Variants in LZTFL1 observed in about 807,000 individuals in gnomAD.
LZTFL1 encodes the protein leucine zipper transcription factor like 1, also known as leucine zipper transcription factor-like protein 1.
A neutral mutation model predicts 45.9 loss-of-function variants in LZTFL1; 25 were observed. The observed-to-expected ratio is 0.54, with a 90% CI of 0.40 to 0.76. The LOEUF (loss-of-function observed/expected upper bound fraction) is 0.76, where lower values mean the gene tolerates loss of function less well. Among genes scored for constraint, LZTFL1 ranks in the 30% least tolerant of loss-of-function variants. The pLI, the probability that LZTFL1 is intolerant of heterozygous loss-of-function variation, is 0.00. For synonymous variants in LZTFL1, 93 were observed against 117.4 expected, an observed-to-expected ratio of 0.79 and a Z score of 1.35; for missense variants, 277 against 331.1, an observed-to-expected ratio of 0.84 and a Z score of 1.27.
intron 1 of LZTFL1, 161 bp downstream of exon 1, chr3:45,841,828 G>A (rs1470123801): frequency 9.6e-6 from 9 of 936,966 alleles, no homozygotes; most frequent in Admixed American, 2.3e-5. Context: ...GCGGTTAACC[G>A]AATCTCTCGC....
upstream of LZTFL1, among the ~76,000 whole-genome samples, chr3:45,844,488 A>C (rs1701188059): frequency 6.6e-6 from 1 of 152,226 alleles, no homozygotes; most frequent in Admixed American, 6.5e-5. Flanking sequence ...AAAATGTAAA[A>C]ATCTGAAAGG....
intron 3 of LZTFL1, among the ~76,000 whole-genome samples, chr3:45,856,816 A>G (rs1701401071): frequency 6.6e-6 from 1 of 152,204 alleles, no homozygotes; most frequent in South Asian, 2.1e-4. Flanking sequence ...CAAAACCACA[A>G]TGAGATACCA....
chr3:45,890,244 C>A (rs1375718146), intron 2 of LZTFL1, among the ~76,000 whole-genome samples: 1 of 18,136 alleles, frequency 5.5e-5, no homozygotes, highest in African/African-American at 1.1e-4. Context: ...GTGACATAAG[C>A]CCTGGGTATT....
At chr3:45,858,600 A>G (rs561037001) in intron 3 of LZTFL1, among the ~76,000 whole-genome samples, 2 of 152,358 alleles carry the variant, frequency 1.3e-5, no homozygotes, top group Non-Finnish European at 2.9e-5. Context: ...AGAATGAAAA[A>G]TGAGCAACCT....
At position 45,856,927 on chromosome 3, in the gene LZTFL1, G is replaced by A. The variant is rs913234637; in HGVS notation, c.-137-1853C>T. ...AACACTTTTACACTTTGGTTGGAGT[G>A]GAAATTAGTTCAATCATTGTGGAAG... is the stretch of plus-strand genomic sequence containing the variant. On this transcript the variant is annotated intron_variant, in intron 3 of 4. Transcript: ENST00000472635. Among the ~76,000 whole-genome samples the A allele has an allele frequency of 1.2e-4, 19 of 152,166 alleles. 1 individual carries two copies. Among genetic ancestry groups the A allele is most frequent in the Non-Finnish European group, 2.9e-5 (2 of 68,036 alleles).
Position 45,866,229 on chromosome 3 carries a change from G to A in LZTFL1, c.-214-7213C>T, listed in dbSNP as rs139435020. On this transcript the variant is annotated intron_variant, in intron 2 of 4. Transcript: ENST00000472635. ...CCTTCATTGTGCTAATGATTGATCC[G>A]GTGTGTACTACAGCAAGATTTATCC... Among the ~76,000 whole-genome samples, 21 of 152,208 alleles carry A rather than the reference G, an allele frequency of 1.4e-4. No homozygotes were observed. In the East Asian group the frequency reaches 3.3e-3, roughly 24 times the overall value.
chr3:45,907,317 G>T (rs1434123517), intron 2 of LZTFL1, among the ~76,000 whole-genome samples: 1 of 152,190 alleles, frequency 6.6e-6, no homozygotes, highest in Non-Finnish European at 1.5e-5. Context: ...GCTGCTGCCT[G>T]GATTCCCTGG....
rs948111925 is a variant in LZTFL1 at position 45,825,093 on chromosome 3, A to G, written c.*1221T>C. 2.8e-5 allele frequency: 11 copies of G among 389,896 alleles called. No homozygotes were observed. The highest frequency in any genetic ancestry group is 4.5e-5 in the Non-Finnish European group (10 of 220,900). 24.2% of individuals were successfully genotyped at this position (389,896 alleles called of 1,614,324 possible). A position where few individuals can be genotyped will look rare whatever the true frequency, so the allele number is the denominator to read the frequency against. ...GCTATTACTAAAAGCTTGAATAAAAATAACAACAAGCCCTATGCTCCAATC... is the reference window on the plus strand; with the variant it reads ...GCTATTACTAAAAGCTTGAATAAAAGTAACAACAAGCCCTATGCTCCAATC... On this transcript the variant is annotated 3_prime_UTR_variant, in exon 10 of 10. Coordinates refer to ENST00000296135, the MANE Select transcript of LZTFL1 (RefSeq NM_020347.4).
chr3:45,835,119 A>C (rs1457816500), intron 3 of LZTFL1: 1 of 152,492 alleles, frequency 6.6e-6, no homozygotes, highest in Non-Finnish European at 1.5e-5. Context: ...CCATATTATA[A>C]GCTTTTTTGT....
At chr3:45,831,241 A>G in intron 5 of LZTFL1, 103 bp from the exon 6 acceptor site, 1 of 665,034 alleles carries the variant, frequency 1.5e-6, no homozygotes, top group East Asian at 2.8e-5. Context: ...TTTAAATTAC[A>G]TAATAGCTCA....
At chr3:45,846,382 T>C (rs1422410700), upstream of LZTFL1, among the ~76,000 whole-genome samples, 1 of 152,224 alleles carries the variant, frequency 6.6e-6, no homozygotes, top group Non-Finnish European at 1.5e-5. Flanking sequence ...CTAATTTATA[T>C]TTTGTGGTTT....
intron 2 of LZTFL1, among the ~76,000 whole-genome samples, chr3:45,890,348 A>ATTTATAT (rs1184589760): frequency 1.9e-4 from 1 of 5,374 alleles, no homozygotes; most frequent in South Asian, 4.2e-3. Context: ...ATATATATAT[A>ATTTATAT]ACATATATAT....
intron 2 of LZTFL1, among the ~76,000 whole-genome samples, chr3:45,869,837 T>G (rs1379071695): frequency 6.6e-6 from 1 of 152,236 alleles, no homozygotes; most frequent in Non-Finnish European, 1.5e-5. Flanking sequence ...AGATGAAAGA[T>G]GATGTCATCA....
intron 2 of LZTFL1, among the ~76,000 whole-genome samples, chr3:45,884,295 T>C (rs1701924129): frequency 6.6e-6 from 1 of 152,158 alleles, no homozygotes; most frequent in Non-Finnish European, 1.5e-5. Context: ...TAGGGCTTTT[T>C]TCAGGAATGG....
intron 2 of LZTFL1, among the ~76,000 whole-genome samples, chr3:45,903,782 G>A (rs1014622769): frequency 2.0e-5 from 3 of 152,166 alleles, no homozygotes; most frequent in Non-Finnish European, 2.9e-5. Flanking sequence ...GCAGATCAAC[G>A]TGGGCCCAGC....
At chr3:45,855,002 A>G in exon 4 of LZTFL1, 1 of 1,534,600 alleles carries the variant, frequency 6.5e-7, no homozygotes, top group East Asian at 2.4e-5. Flanking sequence ...TTCTCCTGGA[A>G]CTTAGCCCAG....
intron 7 of LZTFL1, among the ~76,000 whole-genome samples, chr3:45,829,621 A>AG: frequency 6.6e-6 from 1 of 150,964 alleles, no homozygotes; most frequent in East Asian, 1.9e-4. Flanking sequence ...AAAAAAAAAA[A>AG]AAAAAAAAAA....
intron 2 of LZTFL1, among the ~76,000 whole-genome samples, chr3:45,893,237 C>T (rs1249186830): frequency 6.6e-6 from 1 of 151,918 alleles, no homozygotes; most frequent in Non-Finnish European, 1.5e-5. Context: ...TCACTGCAAC[C>T]TCTGCCTCCC....
At chr3:45,851,852 T>G (rs764592649) in intron 4 of LZTFL1, among the ~76,000 whole-genome samples, 35 of 147,848 alleles carry the variant, frequency 2.4e-4, no homozygotes, top group Non-Finnish European at 3.9e-4. Context: ...TTTTTTTTTG[T>G]TCTTGTTCCC....
Sources: gnomAD v4.1 joint callset for allele counts (sites outside exome capture counted in the v4.1 genomes callset) on GRCh38, gnomAD v4.1.1 for gene constraint, MANE v1.5 for transcripts, NCBI Gene and HGNC (gene_info 2026-07-23, HGNC 2026-07-21) for gene names.